Variants in GPR107 observed in about 807,000 individuals in gnomAD.
GPR107 encodes the protein protein GPR107.
A neutral mutation model predicts 75.5 loss-of-function variants in GPR107; 31 were observed. The observed-to-expected ratio is 0.41, with a 90% CI of 0.31 to 0.55. The LOEUF is 0.55. Ranked by LOEUF, GPR107 falls within the 20% of genes least tolerant of loss-of-function variation. GPR107 has a pLI of 0.26. For missense variants in GPR107, 572 were observed against 665.7 expected (o/e 0.86, Z 1.55); for synonymous variants, 267 against 251.3 (o/e 1.06, Z -0.59).
At chr9:130,123,402 C>T (rs1564684231) in intron 14 of GPR107, among the ~76,000 whole-genome samples, 1 of 152,098 alleles carries the variant, frequency 6.6e-6, no homozygotes, top group Non-Finnish European at 1.5e-5. Flanking sequence ...TGGGGTTTCA[C>T]CATCTTGGCC....
intron 14 of GPR107, among the ~76,000 whole-genome samples, chr9:130,116,716 G>A (rs1047385645): frequency 1.3e-5 from 2 of 152,140 alleles, no homozygotes; most frequent in African/African-American, 4.8e-5. Context: ...GTAAATAGGA[G>A]CTGGAAACCT....
chr9:130,082,187 C>T (rs139803328), intron 5 of GPR107, among the ~76,000 whole-genome samples: 1 of 152,312 alleles, frequency 6.6e-6, no homozygotes, highest in East Asian at 1.9e-4. Context: ...ATACCTCACA[C>T]TAGCCCTCAC....
intron 17 of GPR107, chr9:130,129,471 A>G (rs1831766458): frequency 6.6e-6 from 1 of 152,222 alleles, no homozygotes; most frequent in Non-Finnish European, 1.5e-5. Flanking sequence ...ATTCTTCCCA[A>G]TTCAGAGGCT....
chr9:130,056,386 G>A (rs1008674302), intron 1 of GPR107, among the ~76,000 whole-genome samples: 3 of 151,980 alleles, frequency 2.0e-5, no homozygotes, highest in Non-Finnish European at 2.9e-5. Flanking sequence ...GGAGTAGGAA[G>A]TTGCAGTGAG....
intron 14 of GPR107, among the ~76,000 whole-genome samples, chr9:130,123,000 AC>A (rs1831585302): frequency 6.6e-6 from 1 of 152,138 alleles, no homozygotes; most frequent in South Asian, 2.1e-4. Flanking sequence ...CTCAAAAAAA[AC>A]AACAACAAAA....
Position 130,135,166 on chromosome 9 carries a change from T to G in GPR107, c.*45T>G. On this transcript the variant is annotated 3_prime_UTR_variant, in exon 18 of 18. Coordinates refer to ENST00000347136, the MANE Select transcript of GPR107 (RefSeq NM_020960.5). ...GGCACTGTCCAAGGAAACTGTTAAC[T>G]TATTCATAGTCCTATTGGACAGCAG... 1 of 1,026,626 alleles carries G rather than the reference T, an allele frequency of 9.7e-7. No homozygotes were observed. 63.6% of individuals were successfully genotyped at this position (1,026,626 alleles called of 1,614,324 possible). A position where few individuals can be genotyped will look rare whatever the true frequency, so the allele number is the denominator to read the frequency against.
intron 14 of GPR107, among the ~76,000 whole-genome samples, chr9:130,122,227 A>G (rs1054060612): frequency 2.0e-5 from 3 of 152,066 alleles, no homozygotes; most frequent in African/African-American, 7.2e-5. Context: ...TATCATTTAA[A>G]CTGTCTAATT....
At chr9:130,080,721 G>A (rs1054872710) in intron 5 of GPR107, among the ~76,000 whole-genome samples, 9 of 150,984 alleles carry the variant, frequency 6.0e-5, no homozygotes, top group South Asian at 2.1e-4. Flanking sequence ...TCGATCTCCC[G>A]ACCTCGTGAT....
chr9:130,125,162 G>A (rs947631014), intron 15 of GPR107, among the ~76,000 whole-genome samples, 198 bp downstream of exon 15: 3 of 145,234 alleles, frequency 2.1e-5, no homozygotes, highest in Admixed American at 1.4e-4. Flanking sequence ...GCAGTGGCAC[G>A]ATCTTCGCTC....
At chr9:130,064,138 A>G (rs1188568904) in intron 1 of GPR107, among the ~76,000 whole-genome samples, 1 of 150,034 alleles carries the variant, frequency 6.7e-6, no homozygotes, top group Admixed American at 6.7e-5. Flanking sequence ...TGTAACTAAT[A>G]AAAAGTAGGT....
In GPR107 at chr9:130,127,567, G is replaced by T; in HGVS notation, c.1440+1G>T. 6.5e-7 allele frequency: 1 copy of T among 1,535,804 alleles called. No individual in the cohort carries two copies. Among genetic ancestry groups the T allele is most frequent in the Non-Finnish European group, 9.0e-7 (1 of 1,108,594 alleles). On this transcript the variant is annotated splice_donor_variant, in intron 16 of 17. Coordinates refer to ENST00000347136, the MANE Select transcript of GPR107 (RefSeq NM_020960.5). LOFTEE classifies it high-confidence loss of function. Reference sequence around the variant, plus strand: ...ATTCCAGTGGAAGTGGCTCTACCAGGTACGCTGCTCACAGGGCAGAATGCC... The same window carrying T: ...ATTCCAGTGGAAGTGGCTCTACCAGTTACGCTGCTCACAGGGCAGAATGCC...
At chr9:130,082,550 GCTCA>G (rs1161345244) in intron 5 of GPR107, among the ~76,000 whole-genome samples, 1 of 148,578 alleles carries the variant, frequency 6.7e-6, no homozygotes, top group African/African-American at 2.5e-5. Flanking sequence ...CGCGATCTCG[GCTCA>G]CTGCAAGCTC....
rs748194750 is a variant in GPR107 at position 130,107,479 on chromosome 9, TA to T, written c.1263-14del. 20 of 1,537,460 alleles carry T rather than the reference TA, an allele frequency of 1.3e-5. No individual in the cohort carries two copies. The highest frequency in any genetic ancestry group is 6.7e-5 in the Admixed American group (4 of 59,930). On this transcript the variant is annotated splice_polypyrimidine_tract_variant and intron_variant, in intron 13 of 17. Transcript: ENST00000347136. ...ATTTGTCAGCTAACTTTTTGTTCTC[TA>T]AATGTTTATTTTTAGGTCAATCAGA...
At chr9:130,083,295 A>G (rs1830537139) in intron 5 of GPR107, 1 of 269,632 alleles carries the variant, frequency 3.7e-6, no homozygotes, top group Admixed American at 5.3e-5. Flanking sequence ...CCTCTCTGGC[A>G]ATAACATAAG....
intron 6 of GPR107, among the ~76,000 whole-genome samples, chr9:130,084,117 G>T (rs1830558842): frequency 6.8e-6 from 1 of 148,092 alleles, no homozygotes; most frequent in Non-Finnish European, 1.5e-5. Context: ...ATCTACAGGG[G>T]GCCAGATGTG....
At chr9:130,062,636 GCCTGCCTGCCTGCCTGCCTGCCTGCCTT>G (rs1564657590) in intron 1 of GPR107, among the ~76,000 whole-genome samples, 1 of 99,742 alleles carries the variant, frequency 1.0e-5, no homozygotes, top group Non-Finnish European at 2.3e-5. Flanking sequence ...CTGCCTTCCT[GCCTGCCTGCCTGCCTGCCTGCCTGCCTT>G]CCTTCCTTCC....
intron 1 of GPR107, among the ~76,000 whole-genome samples, chr9:130,067,068 G>A (rs1830089619): frequency 6.6e-6 from 1 of 151,986 alleles, no homozygotes; most frequent in South Asian, 2.1e-4. Flanking sequence ...GAAGAGAGCT[G>A]GGAGAATGTG....
chr9:130,073,658 G>A (rs1036196576), intron 1 of GPR107, among the ~76,000 whole-genome samples: 2 of 152,226 alleles, frequency 1.3e-5, no homozygotes, highest in African/African-American at 2.4e-5. Context: ...AGAAGGAGCT[G>A]AAACTCCATT....
At chr9:130,092,483 G>A (rs1010280785) in intron 9 of GPR107, 102 bp downstream of exon 9, 1 of 947,650 alleles carries the variant, frequency 1.1e-6, no homozygotes, top group East Asian at 2.4e-5. Flanking sequence ...TAGCAGTGTT[G>A]TTCCTTTCAA....
Sources: allele counts gnomAD v4.1 joint callset (sites outside exome capture counted in the v4.1 genomes callset), GRCh38; gene constraint gnomAD v4.1.1; transcripts MANE v1.5; gene names NCBI Gene and HGNC (gene_info 2026-07-23, HGNC 2026-07-21).